RSPO2: variants seen among roughly 807,000 people sequenced by gnomAD.
RSPO2 encodes the protein R-spondin 2.
RSPO2 carries 14 observed loss-of-function variants against 30.9 expected under a neutral mutation model. The ratio of observed to expected loss-of-function variants is 0.45; its 90% CI spans 0.30 to 0.71. RSPO2 has a LOEUF of 0.71. RSPO2 is among the 30% of genes least tolerant of loss of function. The pLI is 0.08. For missense variants in RSPO2, 264 were observed against 301.9 expected (o/e 0.87, Z 0.93); for synonymous variants, 107 against 96.4 (o/e 1.11, Z -0.64).
At chr8:107,931,598 A>C (rs1812554668) in intron 5 of RSPO2, among the ~76,000 whole-genome samples, 1 of 152,216 alleles carries the variant, frequency 6.6e-6, no homozygotes, top group African/African-American at 2.4e-5. Context: ...AACTAGTAAC[A>C]AGTAACATGA....
intron 3 of RSPO2, among the ~76,000 whole-genome samples, chr8:107,977,175 C>T (rs1187732341): frequency 6.6e-6 from 1 of 152,200 alleles, no homozygotes; most frequent in Non-Finnish European, 1.5e-5. Flanking sequence ...TACATTTCCT[C>T]ATAATATCCT....
At chr8:107,908,704 C>T (rs935555044) in intron 5 of RSPO2, among the ~76,000 whole-genome samples, 10 of 151,916 alleles carry the variant, frequency 6.6e-5, no homozygotes, top group Non-Finnish European at 1.2e-4. Context: ...TAACAAGACC[C>T]AAGTACTGCA....
intron 2 of RSPO2, among the ~76,000 whole-genome samples, chr8:108,004,186 G>T (rs1156312827): frequency 6.6e-6 from 1 of 152,174 alleles, no homozygotes; most frequent in Admixed American, 6.5e-5. Context: ...GGGGGAAACT[G>T]AGTTACAAGT....
In RSPO2 at chr8:107,993,045, A is replaced by G. The variant is rs535462656; in HGVS notation, c.95-3801T>C. Among the ~76,000 whole-genome samples the G allele has an allele frequency of 1.2e-4, 18 of 152,150 alleles. No individual in the cohort carries two copies. In the South Asian group the frequency reaches 3.7e-3, roughly 32 times the overall value. ...GAAAAACATGTTCATGTCTCTATAC[A>G]AAAGCATAGCATGTAAAAAACATAT... On this transcript the variant is annotated intron_variant, in intron 2 of 5. Coordinates refer to ENST00000276659, the MANE Select transcript of RSPO2 (RefSeq NM_178565.5).
intron 5 of RSPO2, among the ~76,000 whole-genome samples, chr8:107,931,471 G>T (rs562961095): frequency 2.2e-4 from 34 of 152,124 alleles, no homozygotes; most frequent in African/African-American, 8.2e-4. Flanking sequence ...GACACTTAGT[G>T]CTCACGAAAT....
chr8:108,008,929 T>C (rs2130580088), intron 2 of RSPO2, among the ~76,000 whole-genome samples: 1 of 151,840 alleles, frequency 6.6e-6, no homozygotes, highest in South Asian at 2.1e-4. Context: ...CAAATCAAAA[T>C]GAAGAAAAGT....
intron 2 of RSPO2, among the ~76,000 whole-genome samples, chr8:108,080,959 A>T (rs1207834974): frequency 1.3e-5 from 2 of 152,236 alleles, no homozygotes; most frequent in Non-Finnish European, 2.9e-5. Flanking sequence ...GAAAGGAATC[A>T]GGAGGGGAGG....
chr8:107,990,215 A>G (rs139965566), intron 2 of RSPO2, among the ~76,000 whole-genome samples: 5 of 152,336 alleles, frequency 3.3e-5, no homozygotes, highest in Admixed American at 6.5e-5. Flanking sequence ...AAATAACTGT[A>G]GCACAAAACA....
At chr8:107,952,929 A>C (rs1053564445) in intron 5 of RSPO2, among the ~76,000 whole-genome samples, 4 of 152,208 alleles carry the variant, frequency 2.6e-5, no homozygotes, top group African/African-American at 7.2e-5. Context: ...GAATACCCTA[A>C]AATTAAAATA....
intron 5 of RSPO2, among the ~76,000 whole-genome samples, chr8:107,919,596 T>A (rs1004438847): frequency 5.3e-5 from 8 of 152,148 alleles, no homozygotes; most frequent in Admixed American, 5.2e-4. Flanking sequence ...ACTTGACGGA[T>A]TAGCTGGCAC....
At chr8:107,949,778 T>C (rs575847744) in intron 5 of RSPO2, among the ~76,000 whole-genome samples, 5 of 152,296 alleles carry the variant, frequency 3.3e-5, no homozygotes, top group Admixed American at 6.5e-5. Context: ...ACAATGTACA[T>C]TATTTGGGCG....
chr8:107,924,406 G>A (rs987262917), intron 5 of RSPO2, among the ~76,000 whole-genome samples: 2 of 151,874 alleles, frequency 1.3e-5, no homozygotes, highest in Non-Finnish European at 2.9e-5. Context: ...GAGAGGAGGG[G>A]ATCAGTATTA....
intron 2 of RSPO2, among the ~76,000 whole-genome samples, chr8:108,032,974 C>A (rs993731485): frequency 7.0e-6 from 1 of 142,652 alleles, no homozygotes; most frequent in African/African-American, 2.7e-5. Context: ...GGCATGAACC[C>A]GGGAGGCGAA....
At chr8:108,001,334 C>T (rs912314784) in intron 2 of RSPO2, among the ~76,000 whole-genome samples, 11 of 152,184 alleles carry the variant, frequency 7.2e-5, no homozygotes, top group African/African-American at 2.2e-4. Context: ...CTCAATTTAG[C>T]ATAAACAATT....
intron 3 of RSPO2, among the ~76,000 whole-genome samples, chr8:107,978,198 C>T (rs1011322166): frequency 2.6e-5 from 4 of 152,094 alleles, no homozygotes; most frequent in East Asian, 3.9e-4. Context: ...GAAGCCGAGG[C>T]GGGCAGATCA....
intron 2 of RSPO2, among the ~76,000 whole-genome samples, chr8:108,028,959 A>AT (rs5893900): frequency 1.8e-4 from 26 of 146,828 alleles, no homozygotes; most frequent in Middle Eastern, 3.5e-3. Flanking sequence ...TAAATATCTA[A>AT]TTTTTTTTTT....
intron 3 of RSPO2, among the ~76,000 whole-genome samples, chr8:107,987,426 G>C (rs914280538): frequency 5.3e-5 from 8 of 152,146 alleles, no homozygotes; most frequent in African/African-American, 1.9e-4. Context: ...TTGCACTGCA[G>C]CCTCCCTTTC....
intron 2 of RSPO2, among the ~76,000 whole-genome samples, chr8:108,032,085 A>G (rs1244619856): frequency 6.6e-6 from 1 of 152,194 alleles, no homozygotes; most frequent in Non-Finnish European, 1.5e-5. Context: ...CTCTGACCCT[A>G]TCCTGCCTCT....
rs1448455679 is a variant in RSPO2 at position 108,078,495 on chromosome 8, A to G, written c.94+4050T>C. Among the ~76,000 whole-genome samples, 4 of 152,190 alleles carry G rather than the reference A, an allele frequency of 2.6e-5. No individual in the cohort carries two copies. In the East Asian group the frequency reaches 7.7e-4, roughly 29 times the overall value. On this transcript the variant is annotated intron_variant, in intron 2 of 5. Transcript: ENST00000276659. The stretch of plus-strand genomic sequence containing the variant: ...GTGTCATTTTGTATTTTGAAAGAAT[A>G]TCAGGAGAAGTAAACTATTTAGAAA...
Sources: gnomAD v4.1 joint callset for allele counts (sites outside exome capture counted in the v4.1 genomes callset) on GRCh38, gnomAD v4.1.1 for gene constraint, MANE v1.5 for transcripts, NCBI Gene and HGNC (gene_info 2026-07-23, HGNC 2026-07-21) for gene names.